TSPAN15: variants seen among roughly 807,000 people sequenced by gnomAD.
The protein encoded by TSPAN15 is tetraspanin 15.
In TSPAN15, 20 loss-of-function variants were observed where a neutral mutation model predicts 34.5. The ratio of observed to expected loss-of-function variants is 0.58; its 90% CI spans 0.41 to 0.84. TSPAN15 has a LOEUF of 0.84. Ranked by LOEUF, TSPAN15 falls within the 40% of genes least tolerant of loss-of-function variation. The pLI, the probability that TSPAN15 is intolerant of heterozygous loss-of-function variation, is 0.00. For synonymous variants in TSPAN15, 155 were observed against 153.9 expected (o/e 1.01, Z -0.05); for missense variants, 313 against 386.1 (o/e 0.81, Z 1.59).
chr10:69,462,171 T>TTTG (rs1841281698), intron 1 of TSPAN15, among the ~76,000 whole-genome samples: 5 of 145,504 alleles, frequency 3.4e-5, no homozygotes, highest in Admixed American at 1.4e-4. Flanking sequence ...TTTTTTTTTT[T>TTTG]TTTTTTTTTT....
At chr10:69,545,191 G>A in the TSPAN15 span, among the ~76,000 whole-genome samples, 19 of 152,156 alleles carry the variant, frequency 1.2e-4, no homozygotes, top group Admixed American at 2.6e-4. Context: ...CTTTACCCCC[G>A]GGAGATTCAG....
At chr10:69,462,553 T>G (rs1193953049) in intron 1 of TSPAN15, among the ~76,000 whole-genome samples, 2 of 152,044 alleles carry the variant, frequency 1.3e-5, no homozygotes, top group East Asian at 3.9e-4. Context: ...GCCAGGATGG[T>G]CTTGATCTTC....
intron 5 of TSPAN15, among the ~76,000 whole-genome samples, chr10:69,499,213 A>G (rs1452551939): frequency 6.6e-6 from 1 of 152,226 alleles, no homozygotes; most frequent in East Asian, 1.9e-4. Flanking sequence ...CATGGCCCAG[A>G]TAGTCATGGA....
the TSPAN15 span, among the ~76,000 whole-genome samples, chr10:69,530,778 G>GAC: frequency 5.8e-5 from 4 of 68,524 alleles, no homozygotes; most frequent in African/African-American, 2.0e-4. Flanking sequence ...GACAGAGTGA[G>GAC]ACTCTCTCTC....
intron 3 of TSPAN15, among the ~76,000 whole-genome samples, chr10:69,486,618 T>G (rs1444506281): frequency 6.6e-6 from 1 of 152,140 alleles, no homozygotes; most frequent in African/African-American, 2.4e-5. Context: ...TATCTTTCTT[T>G]TCAGCAGTTG....
chr10:69,519,089 A>C, the TSPAN15 span, among the ~76,000 whole-genome samples: 1 of 152,262 alleles, frequency 6.6e-6, no homozygotes, highest in Non-Finnish European at 1.5e-5. Flanking sequence ...TCCATGCTCA[A>C]GAACACAATG....
At chr10:69,525,733 A>G in the TSPAN15 span, among the ~76,000 whole-genome samples, 128 of 145,624 alleles carry the variant, frequency 8.8e-4, 32 homozygotes, top group East Asian at 0.032. Context: ...AGGCAGGAGA[A>G]TTGCTGGAAC....
At chr10:69,512,211 C>T (rs1253052824), downstream of TSPAN15, among the ~76,000 whole-genome samples, 3 of 152,166 alleles carry the variant, frequency 2.0e-5, no homozygotes, top group Non-Finnish European at 4.4e-5. Context: ...ATCTTGGCCT[C>T]TTGTCTCACA....
At chr10:69,514,773 G>T in the TSPAN15 span, among the ~76,000 whole-genome samples, 2 of 152,188 alleles carry the variant, frequency 1.3e-5, no homozygotes, top group African/African-American at 4.8e-5. Context: ...TTCTCAAAGA[G>T]CCAGCTGGAC....
the TSPAN15 span, among the ~76,000 whole-genome samples, chr10:69,544,593 G>C: frequency 1.3e-5 from 2 of 152,190 alleles, no homozygotes; most frequent in Non-Finnish European, 2.9e-5. Flanking sequence ...CGGCCTTGCT[G>C]CCCTTAACTT....
chr10:69,517,648 A>G, the TSPAN15 span, among the ~76,000 whole-genome samples: 6 of 152,196 alleles, frequency 3.9e-5, no homozygotes, highest in Non-Finnish European at 7.3e-5. Context: ...CTCCTGGTCC[A>G]TGGTGCCTGG....
chr10:69,518,107 T>C, the TSPAN15 span, among the ~76,000 whole-genome samples: 1 of 152,190 alleles, frequency 6.6e-6, no homozygotes, highest in East Asian at 1.9e-4. Context: ...AATACTTCTA[T>C]TAGATAAGGA....
chr10:69,461,307 T>C (rs1841250972), intron 1 of TSPAN15, among the ~76,000 whole-genome samples: 1 of 152,186 alleles, frequency 6.6e-6, no homozygotes, highest in African/African-American at 2.4e-5. Context: ...GGGTTTTAAT[T>C]TTTTCCAAAA....
chr10:69,516,946 C>T, the TSPAN15 span, among the ~76,000 whole-genome samples: 15 of 152,278 alleles, frequency 9.9e-5, no homozygotes, highest in South Asian at 3.1e-3. Flanking sequence ...ACTGTCTGGG[C>T]CCCCAGGACT....
chr10:69,511,814 A>G (rs1842417458), downstream of TSPAN15, among the ~76,000 whole-genome samples: 1 of 152,080 alleles, frequency 6.6e-6, no homozygotes, highest in Non-Finnish European at 1.5e-5. Flanking sequence ...GCTGGAAGCC[A>G]TCATTCTCGG....
the TSPAN15 span, among the ~76,000 whole-genome samples, chr10:69,516,145 C>T: frequency 3.9e-5 from 6 of 152,220 alleles, no homozygotes; most frequent in Admixed American, 1.3e-4. Context: ...GACTCTCATT[C>T]GGTCACTATG....
rs548402726 is a variant in TSPAN15, at chr10:69,491,226, T to C, written c.358-4368T>C. ...TCCTGATTGTCACATTGGGCTTCTA[T>C]TGGGACTGGAGCAGAGGCTAGGGTC... On this transcript the variant is annotated intron_variant, in intron 3 of 7. Coordinates refer to ENST00000373290, the MANE Select transcript of TSPAN15 (RefSeq NM_012339.5). Among the ~76,000 whole-genome samples, 9 of 152,292 alleles carry C rather than the reference T, an allele frequency of 5.9e-5. 1 individual carries two copies. The highest frequency in any genetic ancestry group is 1.9e-4 in the East Asian group (1 of 5,184).
At chr10:69,533,081 A>G in the TSPAN15 span, among the ~76,000 whole-genome samples, 2 of 152,214 alleles carry the variant, frequency 1.3e-5, no homozygotes, top group East Asian at 3.8e-4. Context: ...GCTGGTGGGA[A>G]TGTAAACTAG....
intron 5 of TSPAN15, among the ~76,000 whole-genome samples, chr10:69,501,982 C>A (rs1467712252): frequency 1.3e-5 from 2 of 152,054 alleles, no homozygotes; most frequent in South Asian, 2.1e-4. Context: ...CCCCCACCCC[C>A]CCGCACCCCA....
Sources: gnomAD v4.1 joint callset for allele counts (sites outside exome capture counted in the v4.1 genomes callset) on GRCh38, gnomAD v4.1.1 for gene constraint, MANE v1.5 for transcripts, NCBI Gene and HGNC (gene_info 2026-07-23, HGNC 2026-07-21) for gene names.